Variants in CLPSL1 observed in about 807,000 individuals in gnomAD.
CLPSL1 encodes the protein colipase-like protein 1.
Under a neutral mutation model 9.3 loss-of-function variants are expected in CLPSL1, and 13 were observed. The observed-to-expected ratio is 1.40, with a 90% CI of 0.91 to 2.22. The LOEUF is 2.22. Among genes scored for constraint, CLPSL1 ranks in the 30% most tolerant of loss-of-function variants. CLPSL1 has a pLI of 0.00. For missense variants in CLPSL1, 164 were observed against 146.6 expected (o/e 1.12, Z -0.61); for synonymous variants, 58 against 56.9 (o/e 1.02, Z -0.08).
Position 35,788,046 on chromosome 6 carries a change from C to T in CLPSL1, c.*36C>T. 1 of 1,500,622 alleles carries T rather than the reference C, an allele frequency of 6.7e-7. No homozygotes were observed. The highest frequency in any genetic ancestry group is 9.3e-7 in the Non-Finnish European group (1 of 1,078,534). The allele number at this position is 1,500,622 out of a possible 1,614,324, so 93.0% of individuals were successfully genotyped here. A position where few individuals can be genotyped will look rare whatever the true frequency, so the allele number is the denominator to read the frequency against. On this transcript the variant is annotated 3_prime_UTR_variant, in exon 3 of 3. Transcript: ENST00000373861. ...TTCTTGCTGCCTCCTCCTCCTCCAC[C>T]TGCTCTCCTCCCTACCCAGAGCTCT...
intron 1 of CLPSL1, among the ~76,000 whole-genome samples, chr6:35,786,108 T>C (rs1373812511): frequency 6.6e-6 from 1 of 151,984 alleles, no homozygotes; most frequent in Non-Finnish European, 1.5e-5. Context: ...CTACTAAAAA[T>C]ACAAAAATTA....
chr6:35,788,325 C>T (rs1768129266), downstream of CLPSL1, among the ~76,000 whole-genome samples: 1 of 152,252 alleles, frequency 6.6e-6, no homozygotes, highest in South Asian at 2.1e-4. Context: ...CCAAAGCTCC[C>T]TTCCCACCCC....
downstream of CLPSL1, among the ~76,000 whole-genome samples, chr6:35,792,979 T>A (rs1768249039): frequency 6.6e-6 from 1 of 152,248 alleles, no homozygotes; most frequent in African/African-American, 2.4e-5. Context: ...AAACCCAATA[T>A]TGTTTGGGCA....
At position 35,787,095 on chromosome 6, in the gene CLPSL1, C is replaced by G; in HGVS notation, c.197C>G (p.Ser66Cys). 1 of 1,611,294 alleles carries G rather than the reference C, an allele frequency of 6.2e-7. No homozygotes were observed. Among genetic ancestry groups the G allele is most frequent in the Non-Finnish European group, 8.5e-7 (1 of 1,179,426 alleles). ...NCESHCAEKGSEGSLCQTQVF... is the reference protein window; with the variant it reads ...NCESHCAEKGCEGSLCQTQVF... ...GAGTCGCACTGCGCGGAGAAGGGGT[C>G]CGAGGGCAGTCTGTGTCAAACGCAG... The change falls in exon 2 of 3, where the codon TCC (serine) becomes TGC (cysteine). Residue 66 changes from serine to cysteine, a missense_variant. Transcript: ENST00000373861.
At chr6:35,793,252 T>C (rs1003160073) in intron 1 of CLPSL1, among the ~76,000 whole-genome samples, 2 of 152,194 alleles carry the variant, frequency 1.3e-5, no homozygotes, top group African/African-American at 4.8e-5. Context: ...GGTGAAACCC[T>C]GTCTCTACTA....
chr6:35,789,771 G>T (rs1768152503), downstream of CLPSL1, among the ~76,000 whole-genome samples: 1 of 152,206 alleles, frequency 6.6e-6, no homozygotes, highest in Non-Finnish European at 1.5e-5. Flanking sequence ...GTGCATGCCT[G>T]CAGTCCCAGC....
rs1490909824 is a variant in CLPSL1 at position 35,788,068 on chromosome 6, C to T, written c.*58C>T. On this transcript the variant is annotated 3_prime_UTR_variant, in exon 3 of 3. Coordinates refer to ENST00000373861, the MANE Select transcript of CLPSL1 (RefSeq NM_001010886.5). ...CACCTGCTCTCCTCCCTACCCAGAG[C>T]TCTGTGTTCACCCTGTTCCCCAGAG... 4 of 1,369,480 alleles carry T rather than the reference C, an allele frequency of 2.9e-6. No individual in the cohort carries two copies. Among genetic ancestry groups the T allele is most frequent in the East Asian group, 2.4e-5 (1 of 42,456 alleles). 84.8% of individuals were successfully genotyped at this position (1,369,480 alleles called of 1,614,324 possible).
chr6:35,787,336 G>A (rs1768103149), intron 2 of CLPSL1, among the ~76,000 whole-genome samples: 1 of 152,278 alleles, frequency 6.6e-6, no homozygotes, highest in Non-Finnish European at 1.5e-5. Context: ...CTGGATTGGG[G>A]CGGGAAGGCG....
chr6:35,786,746 T>C (rs1471488547), intron 1 of CLPSL1, among the ~76,000 whole-genome samples: 2 of 84,476 alleles, frequency 2.4e-5, no homozygotes, highest in African/African-American at 4.7e-5. Context: ...CACTCTGGTG[T>C]GTATGAGAAG....
chr6:35,791,203 G>A (rs534872882), downstream of CLPSL1, among the ~76,000 whole-genome samples: 72 of 152,392 alleles, frequency 4.7e-4, no homozygotes, highest in Admixed American at 1.6e-3. Context: ...AGAGGCTGCC[G>A]TTGTCAGAAT....
intron 2 of CLPSL1, 71 bp downstream of exon 2, chr6:35,787,191 CT>C: frequency 6.4e-7 from 1 of 1,550,634 alleles, no homozygotes; most frequent in South Asian, 1.2e-5. Context: ...GCCCAGATTC[CT>C]GGGGAGGAAA....
At chr6:35,785,407 G>C (rs1041493492) in intron 1 of CLPSL1, among the ~76,000 whole-genome samples, 6 of 152,016 alleles carry the variant, frequency 3.9e-5, no homozygotes, top group African/African-American at 1.5e-4. Context: ...TCGATCTCCT[G>C]ACCTCGTGAT....
intron 1 of CLPSL1, among the ~76,000 whole-genome samples, chr6:35,782,932 TATATA>T (rs1448225635): frequency 6.6e-6 from 1 of 152,082 alleles, no homozygotes; most frequent in East Asian, 1.9e-4. Flanking sequence ...GGATTATACA[TATATA>T]ATATAAATAT....
Position 35,787,242 on chromosome 6 carries a change from C to T in CLPSL1, c.222+122C>T. ...CGGAAATGCCCTGGAGCCTGGAATT[C>T]CCCCGTGGGACTGCACCTCCAAGCC... On this transcript the variant is annotated intron_variant, in intron 2 of 2. Transcript: ENST00000373861. 3.3e-6 allele frequency: 4 copies of T among 1,212,678 alleles called. No individual in the cohort carries two copies. The South Asian group carries it at 4.3e-5, about 13-fold the overall frequency. 75.1% of individuals were successfully genotyped at this position (1,212,678 alleles called of 1,614,324 possible).
intron 1 of CLPSL1, among the ~76,000 whole-genome samples, chr6:35,785,174 ATTT>A (rs34500810): frequency 2.6e-5 from 3 of 115,706 alleles, no homozygotes; most frequent in African/African-American, 3.4e-5. Context: ...GCCCCTGGAA[ATTT>A]TTTTTTTTTT....
At chr6:35,782,874 C>A (rs1767992620) in intron 1 of CLPSL1, among the ~76,000 whole-genome samples, 1 of 152,106 alleles carries the variant, frequency 6.6e-6, no homozygotes. Context: ...TATAGCCAAT[C>A]CTCCTTTCCT....
chr6:35,787,025 C>G lies in CLPSL1; in HGVS notation c.127C>G (p.Gln43Glu), dbSNP rs372138137. 5 of 1,590,566 alleles carry G rather than the reference C, an allele frequency of 3.1e-6. No homozygotes were observed. In the African/African-American group the frequency reaches 5.3e-5, roughly 17 times the overall value. Reference sequence around the variant, plus strand: ...GCTCAAGGAGTCTTGCATCCGGAACCAGGACTGCGAGACTGGCTGCTGCCA... The same window carrying G: ...GCTCAAGGAGTCTTGCATCCGGAACGAGGACTGCGAGACTGGCTGCTGCCA... The part of the protein sequence containing the change: ...LELKESCIRN[Q>E]DCETGCCQRA... Residue 43 changes from glutamine (Q) to glutamate (E), a missense_variant, in exon 2 of 3, where the codon CAG becomes GAG. Transcript: ENST00000373861.
chr6:35,791,481 G>A (rs1321031803), downstream of CLPSL1, among the ~76,000 whole-genome samples: 6 of 152,010 alleles, frequency 3.9e-5, no homozygotes, highest in South Asian at 2.1e-4. Flanking sequence ...TGGAGGGCAC[G>A]CCTGTAATCC....
intron 1 of CLPSL1, among the ~76,000 whole-genome samples, chr6:35,785,786 C>CA (rs931063171): frequency 7.9e-5 from 12 of 151,784 alleles, no homozygotes; most frequent in African/African-American, 2.7e-4. Flanking sequence ...AACATCTCTA[C>CA]AAAAAATAAA....
Sources: allele counts gnomAD v4.1 joint callset (sites outside exome capture counted in the v4.1 genomes callset), GRCh38; gene constraint gnomAD v4.1.1; transcripts MANE v1.5; gene names NCBI Gene and HGNC (gene_info 2026-07-23, HGNC 2026-07-21).